The following ROBO2 variants were observed in gnomAD, a reference collection of about 807,000 sequenced individuals.
ROBO2 encodes the protein roundabout guidance receptor 2, also known as roundabout homolog 2.
In ROBO2, 53 loss-of-function variants were observed where a neutral mutation model predicts 160.8. The ratio of observed to expected loss-of-function variants is 0.33; its 90% CI spans 0.26 to 0.41. The LOEUF is 0.41. Among genes scored for constraint, ROBO2 ranks in the 10% least tolerant of loss-of-function variants. ROBO2 has a pLI of 1.00. For missense variants in ROBO2, 1,577 were observed against 1,722.4 expected (o/e 0.92, Z 1.49); for synonymous variants, 664 against 611.7 (o/e 1.09, Z -1.26).
intron 2 of ROBO2, among the ~76,000 whole-genome samples, chr3:76,425,739 G>A (rs1008749263): frequency 7.3e-5 from 11 of 151,532 alleles, no homozygotes; most frequent in African/African-American, 2.4e-4. Context: ...GCCAAAGCTC[G>A]GTGCCTATAA....
chr3:76,842,970 A>G (rs773142371), intron 2 of ROBO2, among the ~76,000 whole-genome samples: 17 of 152,048 alleles, frequency 1.1e-4, no homozygotes, highest in South Asian at 4.1e-4. Context: ...CTCATTTTCA[A>G]ATCTGATACT....
chr3:77,555,442 C>G (rs1172435429), intron 8 of ROBO2, among the ~76,000 whole-genome samples: 2 of 151,932 alleles, frequency 1.3e-5, no homozygotes, highest in South Asian at 2.1e-4. Context: ...GCTAATGATG[C>G]TGAATAGTGC....
intron 6 of ROBO2, among the ~76,000 whole-genome samples, chr3:77,525,433 A>AC (rs1554002384): frequency 6.6e-6 from 1 of 150,622 alleles, no homozygotes; most frequent in Non-Finnish European, 1.5e-5. Flanking sequence ...TTAAAAAAAA[A>AC]AACTATAAAT....
intron 2 of ROBO2, among the ~76,000 whole-genome samples, chr3:77,250,693 A>T (rs7629775): frequency 0.91 from 138,933 of 151,978 alleles, 64,448 homozygotes; most frequent in East Asian, 1. Flanking sequence ...GGAGTTTGGA[A>T]AGAGGAGATG....
intron 5 of ROBO2, among the ~76,000 whole-genome samples, chr3:77,518,743 T>C (rs1283749736): frequency 6.6e-6 from 1 of 151,516 alleles, no homozygotes; most frequent in Non-Finnish European, 1.5e-5. Flanking sequence ...CTTTTCCAAC[T>C]TCAGTGATCC....
rs188144184 is a variant in ROBO2 at position 76,782,012 on chromosome 3, G to A, written c.110-316002G>A. On this transcript the variant is annotated intron_variant, in intron 2 of 26. Coordinates refer to the ROBO2 transcript ENST00000487694. ...CATGGCTTGTTGTTGCTCTTGGGAG[G>A]TTTTTGATTACGGATTCAGTCTACT... 3.1e-3 allele frequency among the ~76,000 whole-genome samples: 460 copies of A among 150,780 alleles called. 1 individual carries two copies. Among genetic ancestry groups the A allele is most frequent in the African/African-American group, 0.011 (446 of 41,346 alleles).
chr3:76,654,656 C>G lies in ROBO2; in HGVS notation c.110-443358C>G, dbSNP rs192873265. On this transcript the variant is annotated intron_variant, in intron 2 of 26. Coordinates refer to the ROBO2 transcript ENST00000487694. ...TCAAGGGTGACAAGATCTGTGCTCACTTGGAAGGAGATAGAAAAATAATCA... is the reference window on the plus strand; with the variant it reads ...TCAAGGGTGACAAGATCTGTGCTCAGTTGGAAGGAGATAGAAAAATAATCA... 4.5e-4 allele frequency among the ~76,000 whole-genome samples: 69 copies of G among 152,004 alleles called. 1 individual carries two copies. Among genetic ancestry groups the G allele is most frequent in the Middle Eastern group, 6.8e-3 (2 of 294 alleles).
chr3:76,294,689 T>TTATG (rs1708981246), intron 2 of ROBO2, among the ~76,000 whole-genome samples: 1 of 152,218 alleles, frequency 6.6e-6, no homozygotes, highest in Non-Finnish European at 1.5e-5. Context: ...AAATGGTGTA[T>TTATG]TATGACAAGT....
intron 2 of ROBO2, among the ~76,000 whole-genome samples, chr3:76,122,660 C>T (rs974212586): frequency 1.3e-5 from 2 of 152,074 alleles, no homozygotes; most frequent in African/African-American, 4.8e-5. Flanking sequence ...TTTAAGTCTT[C>T]TAAGTCCTTA....
intron 2 of ROBO2, among the ~76,000 whole-genome samples, chr3:76,046,400 A>G (rs1029426619): frequency 6.6e-6 from 1 of 151,946 alleles, no homozygotes; most frequent in African/African-American, 2.4e-5. Flanking sequence ...CTGTAATCCC[A>G]ACACTTTGGG....
chr3:76,653,232 T>C (rs1476293757), intron 2 of ROBO2, among the ~76,000 whole-genome samples: 1 of 152,004 alleles, frequency 6.6e-6, no homozygotes, highest in Non-Finnish European at 1.5e-5. Context: ...TGTCTTCTTT[T>C]TGAGTAATAC....
chr3:77,207,914 T>C (rs1411289501), intron 2 of ROBO2, among the ~76,000 whole-genome samples: 2 of 152,232 alleles, frequency 1.3e-5, no homozygotes, highest in Admixed American at 6.5e-5. Context: ...AGATGTCTTC[T>C]TGCTCTTGAG....
chr3:76,161,937 T>C (rs1245244461), intron 2 of ROBO2, among the ~76,000 whole-genome samples: 1 of 152,172 alleles, frequency 6.6e-6, no homozygotes, highest in Non-Finnish European at 1.5e-5. Flanking sequence ...TTTTTAGAAG[T>C]CTCCATCTGA....
At chr3:76,306,326 A>G (rs570865821) in intron 2 of ROBO2, among the ~76,000 whole-genome samples, 3 of 152,274 alleles carry the variant, frequency 2.0e-5, no homozygotes, top group African/African-American at 7.2e-5. Flanking sequence ...TATCTCATAC[A>G]CATTCAATCA....
intron 2 of ROBO2, among the ~76,000 whole-genome samples, chr3:77,207,972 G>A (rs981950160): frequency 2.0e-5 from 3 of 152,202 alleles, no homozygotes; most frequent in African/African-American, 7.2e-5. Flanking sequence ...CGCTCCCACT[G>A]TGGGAATTGT....
At chr3:77,095,669 C>A (rs1333115016) in intron 1 of ROBO2, among the ~76,000 whole-genome samples, 1 of 152,168 alleles carries the variant, frequency 6.6e-6, no homozygotes, top group African/African-American at 2.4e-5. Context: ...ATTTTAAGAT[C>A]AGAGTCTACA....
chr3:75,967,631 G>T (rs1462737128), intron 2 of ROBO2, among the ~76,000 whole-genome samples: 3 of 151,524 alleles, frequency 2.0e-5, no homozygotes, highest in Non-Finnish European at 4.4e-5. Flanking sequence ...TACCCAAGTA[G>T]AAATAATACT....
At chr3:76,223,323 A>G (rs1328542479) in intron 2 of ROBO2, among the ~76,000 whole-genome samples, 1 of 151,734 alleles carries the variant, frequency 6.6e-6, no homozygotes. Context: ...TCCTGGGGCA[A>G]TGCGGGGTTA....
intron 2 of ROBO2, among the ~76,000 whole-genome samples, chr3:76,095,749 GAC>G (rs59290141): frequency 0.014 from 2,089 of 147,974 alleles, 28 homozygotes; most frequent in East Asian, 0.061. Flanking sequence ...TAGTATGCTT[GAC>G]ACACACACAC....
Sources: gnomAD v4.1 joint callset for allele counts (sites outside exome capture counted in the v4.1 genomes callset) on GRCh38, gnomAD v4.1.1 for gene constraint, MANE v1.5 for transcripts, NCBI Gene and HGNC (gene_info 2026-07-23, HGNC 2026-07-21) for gene names.